The following HMG20B variants were observed in gnomAD, a reference collection of about 807,000 sequenced individuals.
HMG20B encodes SWI/SNF-related matrix-associated actin-dependent regulator of chromatin subfamily E member 1-related.
In HMG20B, 24 loss-of-function variants were observed where a neutral mutation model predicts 41.6. The observed-to-expected ratio is 0.58, with a 90% CI of 0.42 to 0.81. The LOEUF is 0.81. Ranked by LOEUF, HMG20B falls within the 30% of genes least tolerant of loss-of-function variation. The pLI, the probability that HMG20B is intolerant of heterozygous loss-of-function variation, is 0.00. For missense variants in HMG20B, 461 were observed against 444.0 expected (o/e 1.04, Z -0.34); for synonymous variants, 251 against 186.6 (o/e 1.34, Z -2.81).
chr19:3,573,919 A>G, intron 3 of HMG20B, 119 bp downstream of exon 3: 1 of 976,730 alleles, frequency 1.0e-6, no homozygotes, highest in Non-Finnish European at 1.6e-6. Context: ...TTCCTCTGGA[A>G]GCTGAGACCC....
intron 8 of HMG20B, 75 bp from the exon 9 acceptor site, chr19:3,577,906 C>T (rs1406765426): frequency 2.9e-6 from 4 of 1,386,254 alleles, no homozygotes; most frequent in African/African-American, 2.9e-5. Flanking sequence ...CTGAGTCACC[C>T]CCTACCGCTG....
At chr19:3,573,414 C>G (rs1189987541) in intron 2 of HMG20B, 67 bp downstream of exon 2, 1 of 1,425,332 alleles carries the variant, frequency 7.0e-7, no homozygotes, top group Non-Finnish European at 9.3e-7. Context: ...CTCCTGAACC[C>G]CTGACCCAGT....
intron 6 of HMG20B, 81 bp downstream of exon 6, chr19:3,576,388 C>T: frequency 2.0e-6 from 3 of 1,469,180 alleles, no homozygotes; most frequent in Non-Finnish European, 1.9e-6. Context: ...AGCCAGTGCT[C>T]GCCCAGATGT....
intron 6 of HMG20B, 38 bp from the exon 7 acceptor site, chr19:3,576,515 T>G (rs769066454): frequency 6.3e-7 from 1 of 1,584,444 alleles, no homozygotes; most frequent in Admixed American, 1.7e-5. Context: ...GGCTGCCTCC[T>G]ACCACCAGTA....
chr19:3,576,372 A>G (rs754279216), intron 6 of HMG20B, 65 bp downstream of exon 6: 1 of 1,524,554 alleles, frequency 6.6e-7, no homozygotes, highest in Non-Finnish European at 9.1e-7. Flanking sequence ...TAGAACCCTG[A>G]GTCAGAGCCA....
At chr19:3,576,234 G>A in intron 5 of HMG20B, 27 bp from the exon 6 acceptor site, 1 of 1,612,046 alleles carries the variant, frequency 6.2e-7, no homozygotes, top group Non-Finnish European at 8.5e-7. Flanking sequence ...CTGGGAGGCT[G>A]ACCCTGCCCT....
At position 3,577,999 on chromosome 19, in the gene HMG20B, C is replaced by A. The variant is rs1236577686; in HGVS notation, c.827C>A (p.Thr276Lys). 6.2e-7 allele frequency: 1 copy of A among 1,604,568 alleles called. No individual in the cohort carries two copies. The highest frequency in any genetic ancestry group is 8.5e-7 in the Non-Finnish European group (1 of 1,177,336). Residue 276 changes from threonine (T) to lysine (K), a missense_variant, in exon 9 of 10, where the codon ACG (threonine) becomes AAG (lysine). Thr to Lys is a moderately conservative substitution (Grantham distance 78). Transcript: ENST00000333651. ...CCCCCAGGCACGGGCGAAACGCCCACGCTGGGCACTCTGGACTTCTACATG... is the reference window on the plus strand; with the variant it reads ...CCCCCAGGCACGGGCGAAACGCCCAAGCTGGGCACTCTGGACTTCTACATG... ...LPVPGTGETPTLGTLDFYMAR... is the reference protein window; with the variant it reads ...LPVPGTGETPKLGTLDFYMAR...
rs772855149 is a variant in HMG20B, at chr19:3,573,942, G to T, written c.147+142G>T. The T allele has an allele frequency of 1.2e-5, 10 of 807,702 alleles. No homozygotes were observed. The East Asian group carries it at 2.1e-4, about 17-fold the overall frequency. The allele number at this position is 807,702 out of a possible 1,614,324, so 50.0% of individuals were successfully genotyped here. A position where few individuals can be genotyped will look rare whatever the true frequency, so the allele number is the denominator to read the frequency against. On this transcript the variant is annotated intron_variant, in intron 3 of 9. Transcript: ENST00000333651. ...GAAGCTGAGACCCCGCCCCGTGCCAGCTGCCACGCCCCTGACAGGTCCTCT... is the reference window on the plus strand; with the variant it reads ...GAAGCTGAGACCCCGCCCCGTGCCATCTGCCACGCCCCTGACAGGTCCTCT...
chr19:3,573,874 ATTTG>A, intron 3 of HMG20B, 74 bp downstream of exon 3: 1 of 1,340,260 alleles, frequency 7.5e-7, no homozygotes, highest in Non-Finnish European at 1.0e-6. Context: ...CCCAGGCTGG[ATTTG>A]AATTGCTTGT....
chr19:3,573,109 G>T, intron 1 of HMG20B, 115 bp downstream of exon 1: 1 of 515,816 alleles, frequency 1.9e-6, no homozygotes, highest in East Asian at 3.5e-5. Flanking sequence ...TCCCGGGGGG[G>T]GCAATCGCCC....
At position 3,578,121 on chromosome 19, in the gene HMG20B, C is replaced by G. The variant is rs1416561901; in HGVS notation, c.941+8C>G. 6.2e-7 allele frequency: 1 copy of G among 1,608,990 alleles called. No individual in the cohort carries two copies. The highest frequency in any genetic ancestry group is 8.5e-7 in the Non-Finnish European group (1 of 1,178,392). On this transcript the variant is annotated splice_region_variant and intron_variant, in intron 9 of 9. Transcript: ENST00000333651. ...CCTGGCCCAGGTCGCCAGGTGTGTG[C>G]CGGGCGAGGCGGGGCGGGGCCGGGG...
chr19:3,574,342 A>T (rs1325844901), intron 3 of HMG20B, 41 bp from the exon 4 acceptor site: 2 of 1,528,328 alleles, frequency 1.3e-6, no homozygotes, highest in East Asian at 2.5e-5. Flanking sequence ...CTGCCCCAGT[A>T]CGCCAGGCCC....
rs1195567930 is a variant in HMG20B, at chr19:3,575,521, T to C, written c.352-19T>C. ...TTGGAGGCTTCCCCTGCTTCAAGCC[T>C]TCTGGTGCTGCCCCCCAGCGGTACC... On this transcript the variant is annotated intron_variant, in intron 4 of 9. Transcript: ENST00000333651. 1 of 1,561,948 alleles carries C rather than the reference T, an allele frequency of 6.4e-7. No homozygotes were observed. Among genetic ancestry groups the C allele is most frequent in the Admixed American group, 1.9e-5 (1 of 52,382 alleles).
At chr19:3,577,871 C>T (rs908498105) in intron 8 of HMG20B, 110 bp from the exon 9 acceptor site, 48 of 1,004,234 alleles carry the variant, frequency 4.8e-5, no homozygotes, top group African/African-American at 4.7e-4. Flanking sequence ...GGTGTCCGGA[C>T]CTCTGAGCGC....
intron 7 of HMG20B, 28 bp from the exon 8 acceptor site, chr19:3,576,864 G>C (rs1440581135): frequency 6.4e-7 from 1 of 1,552,474 alleles, no homozygotes; most frequent in South Asian, 1.2e-5. Context: ...GGGAGGCGCA[G>C]GCTTTGACCC....
In HMG20B at chr19:3,576,876, G is replaced by C. The variant is rs1051095143; in HGVS notation, c.593-16G>C. 24 of 1,557,504 alleles carry C rather than the reference G, an allele frequency of 1.5e-5. No homozygotes were observed. In the African/African-American group the frequency reaches 3.1e-4, roughly 20 times the overall value. On this transcript the variant is annotated splice_polypyrimidine_tract_variant and intron_variant, in intron 7 of 9. Coordinates refer to ENST00000333651, the MANE Select transcript of HMG20B (RefSeq NM_006339.3). ...AAGGGGAGGCGCAGGCTTTGACCCC[G>C]CTCCCCCCGGCGCAGCGCGTGAGGC... is the stretch of plus-strand genomic sequence containing the variant.
Position 3,578,072 on chromosome 19 carries a change from G to T in HMG20B, c.900G>T (p.Lys300Asn). 6.2e-7 allele frequency: 1 copy of T among 1,611,490 alleles called. No homozygotes were observed. Among genetic ancestry groups the T allele is most frequent in the South Asian group, 1.1e-5 (1 of 91,074 alleles). ...AIERDPAQHE[K>N]LIVRIKEILA... ...AGCGCGACCCCGCCCAGCACGAGAA[G>T]CTCATCGTCCGCATCAAGGAAATCC... Residue 300 changes from lysine (K) to asparagine (N), a missense_variant, in exon 9 of 10, where the codon AAG becomes AAT. Around this residue, in one of 3 missense-constraint regions of HMG20B, gnomAD observed 308 missense variants for 283.4 expected, o/e 1.09. Coordinates refer to ENST00000333651, the MANE Select transcript of HMG20B (RefSeq NM_006339.3).
intron 2 of HMG20B, 98 bp from the exon 3 acceptor site, chr19:3,573,594 C>A: frequency 8.7e-7 from 1 of 1,144,458 alleles, no homozygotes; most frequent in Non-Finnish European, 1.2e-6. Context: ...TGCACTCTCG[C>A]TGCAGCCCCG....
At chr19:3,577,230 C>T (rs1315346154) in intron 8 of HMG20B, 123 bp downstream of exon 8, 7 of 704,380 alleles carry the variant, frequency 9.9e-6, no homozygotes, top group Non-Finnish European at 1.6e-5. Context: ...TCCCCTCTTC[C>T]CCAGTCACCC....
Sources: allele counts gnomAD v4.1 joint callset, GRCh38; gene constraint gnomAD v4.1.1; regional missense constraint gnomAD v4.1.1; transcripts MANE v1.5; gene names NCBI Gene and HGNC (gene_info 2026-07-23, HGNC 2026-07-21).